The following SKAP2 variants were observed in gnomAD, a reference collection of about 807,000 sequenced individuals.
The protein encoded by SKAP2 is src kinase associated phosphoprotein 2.
A neutral mutation model predicts 54.9 loss-of-function variants in SKAP2; 28 were observed. That is an observed-to-expected ratio of 0.51 (90% confidence interval 0.38 to 0.70). The LOEUF is 0.70. SKAP2 is among the 30% of genes least tolerant of loss of function. The probability of loss-of-function intolerance (pLI) is 0.00; values close to 1 mark genes in which losing one functional copy is unlikely to be tolerated. For synonymous variants in SKAP2, 137 were observed against 134.3 expected (o/e 1.02, Z -0.14); for missense variants, 356 against 424.1 (o/e 0.84, Z 1.41).
In SKAP2 at chr7:26,674,777, T is replaced by A. The variant is rs544423617; in HGVS notation, c.988-4585A>T. ...CTCCTTGCATTGTATACTCCATTTTTAAAGCAAGAGAGACAAAAACAAGGA... is the reference window on the plus strand; with the variant it reads ...CTCCTTGCATTGTATACTCCATTTTAAAAGCAAGAGAGACAAAAACAAGGA... On this transcript the variant is annotated intron_variant, in intron 11 of 12. Transcript: ENST00000345317. 2.0e-5 allele frequency among the ~76,000 whole-genome samples: 3 copies of A among 152,310 alleles called. No individual in the cohort carries two copies. In the South Asian group the frequency reaches 6.2e-4, roughly 32 times the overall value.
chr7:26,731,636 T>C (rs371105211), intron 6 of SKAP2, among the ~76,000 whole-genome samples: 9 of 152,190 alleles, frequency 5.9e-5, no homozygotes, highest in African/African-American at 2.2e-4. Context: ...TCCTATAGGC[T>C]CATTGAATAG....
At chr7:26,823,974 T>A (rs1443465345) in intron 4 of SKAP2, among the ~76,000 whole-genome samples, 1 of 152,188 alleles carries the variant, frequency 6.6e-6, no homozygotes, top group Non-Finnish European at 1.5e-5. Context: ...TATAACATAA[T>A]CGTAGTTGAT....
chr7:26,784,498 C>T (rs1325347235), intron 4 of SKAP2, among the ~76,000 whole-genome samples: 1 of 152,254 alleles, frequency 6.6e-6, no homozygotes, highest in African/African-American at 2.4e-5. Context: ...ATCCTGCACT[C>T]TAACTCTCCA....
intron 3 of SKAP2, among the ~76,000 whole-genome samples, chr7:26,847,104 TC>T (rs1293874346): frequency 6.6e-6 from 1 of 152,178 alleles, no homozygotes; most frequent in Non-Finnish European, 1.5e-5. Flanking sequence ...TTTTTTTAAA[TC>T]AGTGTGATGT....
intron 9 of SKAP2, among the ~76,000 whole-genome samples, chr7:26,710,345 C>T (rs911316623): frequency 3.3e-5 from 5 of 152,100 alleles, no homozygotes; most frequent in African/African-American, 4.8e-5. Context: ...TAAAATGTCA[C>T]GAAGTTGTAA....
chr7:26,743,108 T>A (rs1418568904), intron 4 of SKAP2, among the ~76,000 whole-genome samples: 2 of 152,172 alleles, frequency 1.3e-5, no homozygotes, highest in Admixed American at 6.5e-5. Context: ...TACACCGCAA[T>A]TACGTTATCT....
At chr7:26,690,833 A>G (rs963565694) in intron 9 of SKAP2, among the ~76,000 whole-genome samples, 3 of 152,204 alleles carry the variant, frequency 2.0e-5, no homozygotes, top group Non-Finnish European at 2.9e-5. Context: ...ATGGTCCCTA[A>G]AACATCATAT....
At chr7:26,856,230 CTAA>C (rs1387485061) in intron 1 of SKAP2, among the ~76,000 whole-genome samples, 1 of 151,942 alleles carries the variant, frequency 6.6e-6, no homozygotes, top group Non-Finnish European at 1.5e-5. Flanking sequence ...CTATTAACGA[CTAA>C]TGTGTTAAAA....
chr7:26,687,546 A>T (rs1446911954), intron 10 of SKAP2, among the ~76,000 whole-genome samples: 2 of 152,030 alleles, frequency 1.3e-5, no homozygotes, highest in Admixed American at 6.6e-5. Flanking sequence ...GGGAAAAAAA[A>T]CCCTGGCAGT....
intron 9 of SKAP2, among the ~76,000 whole-genome samples, chr7:26,714,970 C>A (rs1376786384): frequency 6.6e-6 from 1 of 151,818 alleles, no homozygotes; most frequent in Non-Finnish European, 1.5e-5. Context: ...GAAGCTATGT[C>A]TTTACTTGTT....
chr7:26,854,305 T>C (rs1466351996), intron 2 of SKAP2, 143 bp from the exon 3 acceptor site: 2 of 517,214 alleles, frequency 3.9e-6, no homozygotes, highest in South Asian at 3.6e-5. Context: ...TGTCCTGAAA[T>C]GACAATTCCA....
At chr7:26,790,340 G>A (rs148358493) in intron 4 of SKAP2, among the ~76,000 whole-genome samples, 1 of 152,214 alleles carries the variant, frequency 6.6e-6, no homozygotes, top group East Asian at 1.9e-4. Context: ...TTTTGGTGTC[G>A]TTCACATCAA....
chr7:26,657,965 A>T, the SKAP2 span, among the ~76,000 whole-genome samples: 1 of 152,070 alleles, frequency 6.6e-6, no homozygotes, highest in Non-Finnish European at 1.5e-5. Context: ...ATATATAAGA[A>T]GCTATTGCGG....
chr7:26,861,612 CCT>C (rs1785272526), intron 1 of SKAP2, among the ~76,000 whole-genome samples: 1 of 134,092 alleles, frequency 7.5e-6, no homozygotes, highest in Non-Finnish European at 1.6e-5. Context: ...ACAATAACAA[CCT>C]CTTTTTTTTT....
At chr7:26,741,035 A>G (rs1365432844) in intron 4 of SKAP2, among the ~76,000 whole-genome samples, 6 of 152,192 alleles carry the variant, frequency 3.9e-5, no homozygotes, top group Non-Finnish European at 8.8e-5. Flanking sequence ...ATTTTACTAG[A>G]ACTCTAGCAA....
chr7:26,813,556 C>T (rs1422604907), intron 4 of SKAP2, among the ~76,000 whole-genome samples: 3 of 152,210 alleles, frequency 2.0e-5, no homozygotes, highest in African/African-American at 4.8e-5. Flanking sequence ...TGCTAAGAAG[C>T]AAATATGCCT....
chr7:26,763,939 T>A (rs774183865), intron 4 of SKAP2, among the ~76,000 whole-genome samples: 12 of 152,162 alleles, frequency 7.9e-5, no homozygotes, highest in Non-Finnish European at 1.5e-4. Context: ...TATAAACTTA[T>A]AAGACCATCA....
chr7:26,661,801 G>A, the SKAP2 span, among the ~76,000 whole-genome samples: 1 of 152,104 alleles, frequency 6.6e-6, no homozygotes, highest in Non-Finnish European at 1.5e-5. Context: ...ATTTCGGTGT[G>A]AAGGAGAAAT....
chr7:26,713,895 G>A (rs1005572442), intron 9 of SKAP2, among the ~76,000 whole-genome samples: 23 of 152,154 alleles, frequency 1.5e-4, no homozygotes, highest in Non-Finnish European at 3.2e-4. Context: ...CATCGCGCCC[G>A]ACCTAAGATG....
Sources: allele counts gnomAD v4.1 joint callset (sites outside exome capture counted in the v4.1 genomes callset), GRCh38; gene constraint gnomAD v4.1.1; transcripts MANE v1.5; gene names NCBI Gene and HGNC (gene_info 2026-07-23, HGNC 2026-07-21).